BTBD9: variants seen among roughly 807,000 people sequenced by gnomAD.
BTBD9 encodes BTB domain containing 9.
BTBD9 carries 49 observed loss-of-function variants against 64.3 expected under a neutral mutation model. The observed-to-expected ratio is 0.76, with a 90% CI of 0.61 to 0.97. BTBD9 has a LOEUF of 0.97. BTBD9 is among the 50% of genes least tolerant of loss of function. The pLI is 0.00. For missense variants in BTBD9, 598 were observed against 762.1 expected (o/e 0.78, Z 2.53); for synonymous variants, 260 against 274.7 (o/e 0.95, Z 0.53).
chr6:38,403,043 T>C, intron 6 of BTBD9: 6 of 371,934 alleles, frequency 1.6e-5, no homozygotes, highest in Non-Finnish European at 2.6e-5. Context: ...CCAGCCTGGG[T>C]GATAGAGTGA....
chr6:38,422,617 G>A (rs1001796731), intron 6 of BTBD9, among the ~76,000 whole-genome samples: 1 of 152,098 alleles, frequency 6.6e-6, no homozygotes, highest in Non-Finnish European at 1.5e-5. Context: ...GATCCCTGTA[G>A]AACAGGGATC....
At chr6:38,564,714 C>G (rs977861103) in intron 6 of BTBD9, among the ~76,000 whole-genome samples, 1 of 151,988 alleles carries the variant, frequency 6.6e-6, no homozygotes, top group Non-Finnish European at 1.5e-5. Flanking sequence ...TGGTGAAACC[C>G]CATCTCTACT....
chr6:38,253,637 G>GA (rs559741786), intron 9 of BTBD9, among the ~76,000 whole-genome samples: 282 of 152,358 alleles, frequency 1.9e-3, no homozygotes, highest in African/African-American at 6.0e-3. Context: ...ACATGTACAA[G>GA]ATGACAAGCT....
At chr6:38,429,817 C>T (rs1223235650) in intron 6 of BTBD9, among the ~76,000 whole-genome samples, 1 of 151,950 alleles carries the variant, frequency 6.6e-6, no homozygotes, top group Non-Finnish European at 1.5e-5. Flanking sequence ...TAGAGAATTT[C>T]TCCTTTTGGG....
At chr6:38,282,909 G>T (rs368155934) in intron 8 of BTBD9, among the ~76,000 whole-genome samples, 1 of 122,968 alleles carries the variant, frequency 8.1e-6, no homozygotes, top group Non-Finnish European at 1.5e-5. Flanking sequence ...AAAAAACAGC[G>T]TTTATTATCT....
chr6:38,367,057 C>A (rs1337229593), intron 6 of BTBD9, among the ~76,000 whole-genome samples: 1 of 152,114 alleles, frequency 6.6e-6, no homozygotes, highest in African/African-American at 2.4e-5. Flanking sequence ...CTATGAAAAC[C>A]CTCGCCCAAA....
intron 8 of BTBD9, among the ~76,000 whole-genome samples, chr6:38,262,025 A>G (rs1764809981): frequency 6.6e-6 from 1 of 152,204 alleles, no homozygotes. Context: ...CTAAAGGAAA[A>G]ACTGATTCAA....
intron 9 of BTBD9, among the ~76,000 whole-genome samples, chr6:38,249,455 T>C (rs557343661): frequency 1.3e-4 from 20 of 152,218 alleles, no homozygotes; most frequent in Non-Finnish European, 8.8e-5. Context: ...TGGTAGAGAC[T>C]GGGTCTCACT....
At chr6:38,574,937 T>C (rs535511239) in intron 6 of BTBD9, among the ~76,000 whole-genome samples, 3 of 152,340 alleles carry the variant, frequency 2.0e-5, no homozygotes, top group South Asian at 4.1e-4. Flanking sequence ...TTCTGATTTA[T>C]ATGCAGTTTA....
intron 9 of BTBD9, among the ~76,000 whole-genome samples, chr6:38,239,417 C>T (rs893277753): frequency 1.2e-4 from 16 of 132,198 alleles, no homozygotes; most frequent in Admixed American, 3.6e-4. Flanking sequence ...TGTAGCCTGG[C>T]GACAGAGCAA....
intron 9 of BTBD9, among the ~76,000 whole-genome samples, chr6:38,234,214 CTA>C (rs1763704238): frequency 1.6e-5 from 1 of 62,428 alleles, no homozygotes; most frequent in Admixed American, 1.6e-4. Context: ...AAATATATAA[CTA>C]TGTCTGTCAC....
intron 1 of BTBD9, among the ~76,000 whole-genome samples, chr6:38,607,679 A>G (rs1449952046): frequency 6.6e-6 from 1 of 151,774 alleles, no homozygotes; most frequent in East Asian, 1.9e-4. Context: ...CTCCAGGCTC[A>G]CTTTGTATAA....
At chr6:38,370,904 CT>C (rs1765392133) in intron 6 of BTBD9, among the ~76,000 whole-genome samples, 1 of 152,194 alleles carries the variant, frequency 6.6e-6, no homozygotes, top group East Asian at 1.9e-4. Flanking sequence ...TTTTTTAAAA[CT>C]TTTTTTCCAC....
chr6:38,579,008 C>T (rs1254842175), intron 5 of BTBD9, among the ~76,000 whole-genome samples: 1 of 152,124 alleles, frequency 6.6e-6, no homozygotes, highest in Non-Finnish European at 1.5e-5. Flanking sequence ...ACTGCATATA[C>T]ATATTATTAT....
At chr6:38,534,475 C>CAAA (rs57383061) in intron 6 of BTBD9, among the ~76,000 whole-genome samples, 3,090 of 94,842 alleles carry the variant, frequency 0.033, 50 homozygotes, top group South Asian at 0.053. Context: ...TCAAACTGTT[C>CAAA]AAAAAAAAAA....
rs1372981689 is a variant in BTBD9, at chr6:38,449,778, T to C, written c.1155-104685A>G. Among the ~76,000 whole-genome samples, 3 of 151,614 alleles carry C rather than the reference T, an allele frequency of 2.0e-5. No homozygotes were observed. The East Asian group carries it at 5.8e-4, about 29-fold the overall frequency. On this transcript the variant is annotated intron_variant, in intron 6 of 10. Transcript: ENST00000481247. The stretch of plus-strand genomic sequence containing the variant: ...AGAAAAAAAAAAGATAAAAATCAAC[T>C]CAAAATGGATTGAAGCCTTAGATGT...
chr6:38,561,389 G>A (rs187302435), intron 6 of BTBD9, among the ~76,000 whole-genome samples: 73 of 152,230 alleles, frequency 4.8e-4, no homozygotes, highest in African/African-American at 1.7e-3. Context: ...AAAGCAGTTT[G>A]GAGATTTCTC....
At chr6:38,181,831 T>TA (rs1234569511) in intron 10 of BTBD9, among the ~76,000 whole-genome samples, 1 of 151,934 alleles carries the variant, frequency 6.6e-6, no homozygotes, top group Admixed American at 6.5e-5. Context: ...CTACTAAAAA[T>TA]ACAAAAATTA....
intron 1 of BTBD9, among the ~76,000 whole-genome samples, chr6:38,622,822 T>C (rs1778033283): frequency 6.6e-6 from 1 of 152,184 alleles, no homozygotes; most frequent in African/African-American, 2.4e-5. Context: ...TTCAGATGGC[T>C]TGTCGCCCTG....
Sources: allele counts gnomAD v4.1 joint callset (sites outside exome capture counted in the v4.1 genomes callset), GRCh38; gene constraint gnomAD v4.1.1; transcripts MANE v1.5; gene names NCBI Gene and HGNC (gene_info 2026-07-23, HGNC 2026-07-21).